The following PSEN1 variants were observed in gnomAD, a reference collection of about 807,000 sequenced individuals.
The protein encoded by PSEN1 is presenilin-1.
Under a neutral mutation model 53.5 loss-of-function variants are expected in PSEN1, and 15 were observed. The ratio of observed to expected loss-of-function variants is 0.28; its 90% CI spans 0.19 to 0.43. The LOEUF (loss-of-function observed/expected upper bound fraction) is 0.43, where lower values mean the gene tolerates loss of function less well. Ranked by LOEUF, PSEN1 falls within the 20% of genes least tolerant of loss-of-function variation. PSEN1 has a pLI of 1.00. For synonymous variants in PSEN1, 208 were observed against 209.8 expected, an observed-to-expected ratio of 0.99 and a Z score of 0.08; for missense variants, 387 against 571.2, an observed-to-expected ratio of 0.68 and a Z score of 3.29.
chr14:73,216,371 A>G (rs1051496136), intron 10 of PSEN1, among the ~76,000 whole-genome samples: 6 of 152,200 alleles, frequency 3.9e-5, no homozygotes, highest in South Asian at 2.1e-4. Context: ...AGCTCTCTCT[A>G]TATATAGTTG....
chr14:73,211,671 T>A (rs1899686361), intron 9 of PSEN1, 98 bp from the exon 10 acceptor site: 2 of 1,320,420 alleles, frequency 1.5e-6, no homozygotes, highest in Non-Finnish European at 2.2e-6. Flanking sequence ...AAGGGCCAGC[T>A]AGTTACAATG....
At chr14:73,148,651 G>C (rs1327773531) in intron 3 of PSEN1, among the ~76,000 whole-genome samples, 1 of 152,170 alleles carries the variant, frequency 6.6e-6, no homozygotes, top group Non-Finnish European at 1.5e-5. Context: ...TGAGAGCAGA[G>C]GCCAGGCACG....
chr14:73,197,078 A>G (rs1200754264), intron 7 of PSEN1, among the ~76,000 whole-genome samples: 3 of 151,888 alleles, frequency 2.0e-5, no homozygotes, highest in East Asian at 1.9e-4. Context: ...GACTACAGGC[A>G]CGCGCCACCA....
At chr14:73,138,102 T>C (rs1257407090) in intron 1 of PSEN1, 4 of 151,860 alleles carry the variant, frequency 2.6e-5, no homozygotes, top group Admixed American at 6.6e-5. Flanking sequence ...GTTTTTCTTT[T>C]GGAGAAAAGG....
intron 8 of PSEN1, among the ~76,000 whole-genome samples, chr14:73,202,443 TATATATATATATATA>T (rs1467979713): frequency 3.4e-4 from 6 of 17,544 alleles, no homozygotes; most frequent in South Asian, 2.3e-3. Flanking sequence ...TATATATATA[TATATATATATATATA>T]TATATTTTTT....
rs143229105 is a variant in PSEN1, at chr14:73,173,865, A to G, written c.480+158A>G. 5.7e-4 allele frequency: 522 copies of G among 911,642 alleles called. 4 individuals are homozygous for G. The African/African-American group carries it at 7.3e-3, about 13-fold the overall frequency. The allele number at this position is 911,642 out of a possible 1,614,324, so 56.5% of individuals were successfully genotyped here. Reference sequence around the variant, plus strand: ...CTTCCTCCTCACTGTGGAACATTCAAAAAATACAAAAAGGAAGCCAGGTGC... The same window carrying G: ...CTTCCTCCTCACTGTGGAACATTCAGAAAATACAAAAAGGAAGCCAGGTGC... On this transcript the variant is annotated intron_variant, in intron 5 of 11. Transcript: ENST00000324501.
Position 73,147,867 on chromosome 14 carries a change from T to C in PSEN1, c.-63T>C. 1.4e-6 allele frequency: 1 copy of C among 692,784 alleles called. No homozygotes were observed. The highest frequency in any genetic ancestry group is 2.7e-5 in the East Asian group (1 of 36,418). 42.9% of individuals were successfully genotyped at this position (692,784 alleles called of 1,614,324 possible). ...ACAGCTTGGCCTGGAGGAGAACACA[T>C]GAAAGAAAGGTTTGTTTCTGCTTAA... On this transcript the variant is annotated 5_prime_UTR_variant, in exon 2 of 12. An upstream start codon of the reference 5' UTR is lost. Transcript: ENST00000324501.
chr14:73,215,778 A>G (rs1294686564), intron 10 of PSEN1, among the ~76,000 whole-genome samples: 3 of 152,256 alleles, frequency 2.0e-5, no homozygotes, highest in African/African-American at 7.2e-5. Flanking sequence ...AGTGGCTAGA[A>G]TGAAAAAGGC....
At chr14:73,183,921 G>T (rs112850015) in intron 5 of PSEN1, among the ~76,000 whole-genome samples, 1 of 144,622 alleles carries the variant, frequency 6.9e-6, no homozygotes, top group Non-Finnish European at 1.5e-5. Context: ...CTGGCCGGGC[G>T]GGGGGCTGAC....
At chr14:73,137,558 G>A (rs764956038) in intron 1 of PSEN1, among the ~76,000 whole-genome samples, 2 of 152,260 alleles carry the variant, frequency 1.3e-5, no homozygotes, top group Non-Finnish European at 2.9e-5. Flanking sequence ...CTAAGGAAGG[G>A]GAAGAGGAGG....
chr14:73,197,977 A>T, intron 7 of PSEN1, 54 bp from the exon 8 acceptor site: 1 of 982,944 alleles, frequency 1.0e-6, no homozygotes. Flanking sequence ...CCACCCATTT[A>T]CAAGTTTAGC....
Position 73,173,698 on chromosome 14 carries a change from G to T in PSEN1, c.471G>T (p.Arg157Ser), listed in dbSNP as rs201617677. Residue 157 changes from arginine to serine, a missense_variant, in exon 5 of 12, where the codon AGG becomes AGT. Arg to Ser is a moderately radical substitution (Grantham distance 110). This residue lies in a region of PSEN1 where 169 missense variants were observed against 299.7 expected (regional missense o/e 0.56). Coordinates refer to ENST00000324501, the MANE Select transcript of PSEN1 (RefSeq NM_000021.4). ...TCCTGGTGGTTCTGTATAAATACAG[G>T]TGCTATAAGGTGAGCATGAGACACA... ...TILLVVLYKY[R>S]CYKVIHAWLI... 10 of 1,614,140 alleles carry T rather than the reference G, an allele frequency of 6.2e-6. No individual in the cohort carries two copies. The East Asian group carries it at 2.2e-4, about 36-fold the overall frequency.
At chr14:73,215,789 T>C (rs986766729) in intron 10 of PSEN1, among the ~76,000 whole-genome samples, 4 of 152,184 alleles carry the variant, frequency 2.6e-5, no homozygotes, top group South Asian at 2.1e-4. Flanking sequence ...TGAAAAAGGC[T>C]AACAATACCA....
chr14:73,214,821 G>C (rs1899845908), intron 10 of PSEN1, among the ~76,000 whole-genome samples: 1 of 152,122 alleles, frequency 6.6e-6, no homozygotes, highest in Admixed American at 6.5e-5. Flanking sequence ...TAGAGTTTCA[G>C]TTTTACAAGA....
rs560420877 is a variant in PSEN1 at position 73,208,502 on chromosome 14, C to T, written c.955+2030C>T. ...TGTAATCCTCAGTGGAGAGGAGACC[C>T]GGAATGGGTATCTCCTATCCACAAG... On this transcript the variant is annotated intron_variant, in intron 9 of 11. Transcript: ENST00000324501. Among the ~76,000 whole-genome samples the T allele has an allele frequency of 6.6e-5, 10 of 151,726 alleles. No homozygotes were observed. The East Asian group carries it at 7.7e-4, about 12-fold the overall frequency.
intron 1 of PSEN1, among the ~76,000 whole-genome samples, chr14:73,145,489 C>T (rs1307778303): frequency 6.6e-6 from 1 of 151,752 alleles, no homozygotes; most frequent in East Asian, 2.0e-4. Context: ...CACCCACCAC[C>T]CACACCCAGC....
chr14:73,157,211 T>G (rs1897384938), intron 3 of PSEN1, among the ~76,000 whole-genome samples: 1 of 151,672 alleles, frequency 6.6e-6, no homozygotes, highest in South Asian at 2.1e-4. Context: ...CTGCAACGTC[T>G]GCCTCCTGGG....
At chr14:73,190,866 G>A (rs1898689704) in intron 6 of PSEN1, among the ~76,000 whole-genome samples, 1 of 152,050 alleles carries the variant, frequency 6.6e-6, no homozygotes, top group African/African-American at 2.4e-5. Flanking sequence ...TTTTGTTTTT[G>A]TTTTTTAGTT....
chr14:73,142,296 C>T lies in PSEN1; in HGVS notation c.-135-5499C>T, dbSNP rs989280824. Among the ~76,000 whole-genome samples, 7 of 152,142 alleles carry T rather than the reference C, an allele frequency of 4.6e-5. No homozygotes were observed. In the South Asian group the frequency reaches 1.4e-3, roughly 32 times the overall value. On this transcript the variant is annotated intron_variant, in intron 1 of 11. Transcript: ENST00000324501. ...TACTTTTGTAAAATAAAGAATAAAT[C>T]ACAAGCTCATTGGCACTTGAAACTT...
Sources: gnomAD v4.1 joint callset for allele counts (sites outside exome capture counted in the v4.1 genomes callset) on GRCh38, gnomAD v4.1.1 for gene constraint, gnomAD v4.1.1 regional missense constraint, MANE v1.5 for transcripts, NCBI Gene and HGNC (gene_info 2026-07-23, HGNC 2026-07-21) for gene names.